LDAH: variants seen among roughly 807,000 people sequenced by gnomAD.
The protein encoded by LDAH is lipid droplet associated hydrolase.
Under a neutral mutation model 29.6 loss-of-function variants are expected in LDAH, and 26 were observed. That is an observed-to-expected ratio of 0.88 (90% CI 0.64 to 1.22). The LOEUF is 1.22. Ranked by LOEUF, LDAH falls within the 50% of genes most tolerant of loss-of-function variation. The probability of loss-of-function intolerance (pLI) is 0.00; values close to 1 mark genes in which losing one functional copy is unlikely to be tolerated. For synonymous variants in LDAH, 117 were observed against 133.0 expected (o/e 0.88, Z 0.83); for missense variants, 344 against 387.3 (o/e 0.89, Z 0.94).
chr2:20,766,675 A>G (rs1307221216), intron 4 of LDAH, among the ~76,000 whole-genome samples: 1 of 152,238 alleles, frequency 6.6e-6, no homozygotes, highest in Admixed American at 6.5e-5. Context: ...ATTGCAGCCA[A>G]TAGTTTGGAA....
Position 20,701,555 on chromosome 2 carries a change from C to T in LDAH, c.786+15G>A, listed in dbSNP as rs1460914215. The T allele has an allele frequency of 1.9e-6, 3 of 1,608,568 alleles. No homozygotes were observed. The East Asian group carries it at 6.7e-5, about 36-fold the overall frequency. ...CTACTTATTATCTATCCCCTTGCAG[C>T]ACTAAAGTGATTACCTTACATAAAT... On this transcript the variant is annotated intron_variant, in intron 6 of 6. Transcript: ENST00000237822.
At chr2:20,761,118 T>G (rs1196637073) in intron 4 of LDAH, among the ~76,000 whole-genome samples, 1 of 152,248 alleles carries the variant, frequency 6.6e-6, no homozygotes, top group Non-Finnish European at 1.5e-5. Flanking sequence ...TAACTCTTGC[T>G]GCTGATCTGT....
At chr2:20,801,089 C>CAT (rs112368447) in intron 2 of LDAH, among the ~76,000 whole-genome samples, 5,907 of 149,446 alleles carry the variant, frequency 0.04, 149 homozygotes, top group African/African-American at 0.056. Flanking sequence ...GTGACACAAA[C>CAT]ACACACACAC....
At chr2:20,779,462 T>C (rs944171543) in intron 3 of LDAH, among the ~76,000 whole-genome samples, 2 of 150,674 alleles carry the variant, frequency 1.3e-5, no homozygotes, top group Non-Finnish European at 3.0e-5. Flanking sequence ...CATGTATACC[T>C]TTTTTTTTAA....
intron 1 of LDAH, among the ~76,000 whole-genome samples, chr2:20,820,216 T>C (rs1026143951): frequency 6.6e-6 from 1 of 151,872 alleles, no homozygotes; most frequent in African/African-American, 2.4e-5. Flanking sequence ...TTCAATGCCA[T>C]CCCCATCAAG....
chr2:20,805,835 C>T (rs939207750), intron 1 of LDAH, among the ~76,000 whole-genome samples: 2 of 151,780 alleles, frequency 1.3e-5, no homozygotes, highest in Non-Finnish European at 1.5e-5. Context: ...CATATAAAGT[C>T]ATGGGCTGAT....
intron 4 of LDAH, among the ~76,000 whole-genome samples, chr2:20,755,492 CT>C (rs1668280711): frequency 1.3e-5 from 2 of 152,060 alleles, no homozygotes; most frequent in African/African-American, 4.8e-5. Context: ...TTTTTTGTTT[CT>C]TTTCCTATTT....
intron 6 of LDAH, among the ~76,000 whole-genome samples, chr2:20,687,331 A>C (rs534260051): frequency 6.6e-6 from 1 of 152,338 alleles, no homozygotes; most frequent in East Asian, 1.9e-4. Context: ...TGTGTGATAG[A>C]TCACTCATAA....
At chr2:20,738,508 C>T (rs1666961598) in intron 5 of LDAH, among the ~76,000 whole-genome samples, 1 of 151,924 alleles carries the variant, frequency 6.6e-6, no homozygotes, top group Non-Finnish European at 1.5e-5. Context: ...GCAGACTCAC[C>T]CTGAATTCTT....
intron 5 of LDAH, among the ~76,000 whole-genome samples, chr2:20,720,940 T>C (rs2149397743): frequency 6.6e-6 from 1 of 152,238 alleles, no homozygotes; most frequent in East Asian, 1.9e-4. Context: ...TGCAGAAGAA[T>C]GAAGCTAGAT....
chr2:20,780,407 C>T (rs990639510), intron 3 of LDAH, among the ~76,000 whole-genome samples: 5 of 151,556 alleles, frequency 3.3e-5, no homozygotes, highest in African/African-American at 1.2e-4. Context: ...ACTTAGCAAA[C>T]AATAAAAGAA....
chr2:20,749,652 A>T (rs967107970), intron 4 of LDAH, among the ~76,000 whole-genome samples: 1 of 152,312 alleles, frequency 6.6e-6, no homozygotes, highest in Admixed American at 6.5e-5. Flanking sequence ...TTTCTTGTTC[A>T]ATTTTATGTG....
chr2:20,731,873 A>G (rs1323824872), intron 5 of LDAH, among the ~76,000 whole-genome samples: 1 of 145,144 alleles, frequency 6.9e-6, no homozygotes, highest in Non-Finnish European at 1.5e-5. Context: ...TTTTTTAATC[A>G]TTTGATATAT....
At chr2:20,790,180 T>C (rs1362753488) in intron 3 of LDAH, 75 bp downstream of exon 3, 1 of 1,523,576 alleles carries the variant, frequency 6.6e-7, no homozygotes, top group Non-Finnish European at 9.0e-7. Flanking sequence ...GGTGTAACTC[T>C]TAACCTTAGC....
intron 4 of LDAH, among the ~76,000 whole-genome samples, chr2:20,767,613 G>A (rs1288922185): frequency 6.6e-6 from 1 of 152,198 alleles, no homozygotes; most frequent in Admixed American, 6.5e-5. Flanking sequence ...ATGGGCCACT[G>A]GGCAGAAGAG....
At chr2:20,789,572 A>C (rs1670801962) in intron 3 of LDAH, among the ~76,000 whole-genome samples, 1 of 152,182 alleles carries the variant, frequency 6.6e-6, no homozygotes, top group Non-Finnish European at 1.5e-5. Flanking sequence ...TGTCTATATG[A>C]TTAGCAGGCC....
At chr2:20,822,529 G>A (rs940971128) in intron 1 of LDAH, among the ~76,000 whole-genome samples, 1 of 152,114 alleles carries the variant, frequency 6.6e-6, no homozygotes, top group African/African-American at 2.4e-5. Flanking sequence ...ATTAACCAAG[G>A]AATAAAGTGT....
intron 5 of LDAH, among the ~76,000 whole-genome samples, chr2:20,712,256 G>T (rs189530323): frequency 1.4e-3 from 207 of 152,300 alleles, no homozygotes; most frequent in Middle Eastern, 3.4e-3. Context: ...GTCTGGAGTG[G>T]ACCTCCAGCA....
downstream of LDAH, chr2:20,683,980 T>C (rs375729145): frequency 1.1e-4 from 17 of 152,222 alleles, no homozygotes; most frequent in East Asian, 1.7e-3. Flanking sequence ...CAAGAGGAAA[T>C]AGCCTTTTTG....
Sources: gnomAD v4.1 joint callset for allele counts (sites outside exome capture counted in the v4.1 genomes callset) on GRCh38, gnomAD v4.1.1 for gene constraint, MANE v1.5 for transcripts, NCBI Gene and HGNC (gene_info 2026-07-23, HGNC 2026-07-21) for gene names.